Variants in CATSPERB observed in about 807,000 individuals in gnomAD.
CATSPERB encodes catsper channel auxiliary subunit beta, also known as cation channel sperm-associated auxiliary subunit beta.
CATSPERB carries 93 observed loss-of-function variants against 128.3 expected under a neutral mutation model. That is an observed-to-expected ratio of 0.72 (90% CI 0.61 to 0.86). CATSPERB has a LOEUF of 0.86. Among genes scored for constraint, CATSPERB ranks in the 40% least tolerant of loss-of-function variants. The probability of loss-of-function intolerance (pLI) is 0.00; values close to 1 mark genes in which losing one functional copy is unlikely to be tolerated. For synonymous variants in CATSPERB, 381 were observed against 448.8 expected (o/e 0.85, Z 1.91); for missense variants, 1,153 against 1,329.5 (o/e 0.87, Z 2.06).
rs200269618 is a variant in CATSPERB at position 91,583,418 on chromosome 14, CA to C, written c.3133-2312del. 3.4e-4 allele frequency among the ~76,000 whole-genome samples: 51 copies of C among 148,028 alleles called. 1 individual carries two copies. Among genetic ancestry groups the C allele is most frequent in the East Asian group, 1.8e-3 (9 of 5,102 alleles). On this transcript the variant is annotated intron_variant, in intron 26 of 26. Transcript: ENST00000256343. ...TGGGCAACAGAGCGTGACTCCATCT[CA>C]AAAAAAAAAATTTTCACTTGCTTAT...
Position 91,724,622 on chromosome 14 carries a change from G to A in CATSPERB, c.168+458C>T, listed in dbSNP as rs569656530. On this transcript the variant is annotated intron_variant, in intron 3 of 26. Transcript: ENST00000256343. The stretch of plus-strand genomic sequence containing the variant: ...TTGATAGCATGCTTTATTTTACTCC[G>A]TTGTGTGTGTTTTTAAAAAGTCTCC... Among the ~76,000 whole-genome samples, 5 of 151,994 alleles carry A rather than the reference G, an allele frequency of 3.3e-5. No individual in the cohort carries two copies. In the South Asian group the frequency reaches 8.3e-4, roughly 25 times the overall value.
intron 4 of CATSPERB, among the ~76,000 whole-genome samples, chr14:91,721,778 A>T (rs1057381490): frequency 6.7e-6 from 1 of 150,238 alleles, no homozygotes; most frequent in Non-Finnish European, 1.5e-5. Context: ...TGAACCCGGG[A>T]GGCAGAGCTT....
intron 5 of CATSPERB, chr14:91,710,273 G>A (rs1895816277): frequency 6.6e-6 from 1 of 152,180 alleles, no homozygotes; most frequent in South Asian, 2.1e-4. Flanking sequence ...AAGTGACTGA[G>A]GTGGTGGTGT....
intron 11 of CATSPERB, among the ~76,000 whole-genome samples, chr14:91,680,610 A>G (rs1017971177): frequency 1.2e-4 from 19 of 152,188 alleles, no homozygotes; most frequent in Non-Finnish European, 8.8e-5. Flanking sequence ...TTAATTGGCT[A>G]TAAGTCTTTT....
chr14:91,683,947 CATAA>C lies in CATSPERB; in HGVS notation c.865-8_865-5del. ...GTTTTCCTTTCACATAGTCAACCTA[CATAA>C]ATAAATAAAATATCACTTAGCCAAT... On this transcript the variant is annotated splice_polypyrimidine_tract_variant and splice_region_variant and intron_variant, in intron 10 of 26. Transcript: ENST00000256343. 6.4e-7 allele frequency: 1 copy of C among 1,572,820 alleles called. No individual in the cohort carries two copies.
chr14:91,724,875 G>T (rs1039549827), intron 3 of CATSPERB, among the ~76,000 whole-genome samples: 8 of 152,170 alleles, frequency 5.3e-5, no homozygotes, highest in African/African-American at 1.9e-4. Flanking sequence ...CACCCAGGAT[G>T]CTCTATGGCT....
chr14:91,658,447 A>G (rs1366333319), intron 15 of CATSPERB, among the ~76,000 whole-genome samples: 1 of 151,924 alleles, frequency 6.6e-6, no homozygotes, highest in Non-Finnish European at 1.5e-5. Flanking sequence ...CAAAAATATC[A>G]TTACATAGAA....
At chr14:91,721,997 T>C (rs930532515) in intron 4 of CATSPERB, among the ~76,000 whole-genome samples, 9 of 151,474 alleles carry the variant, frequency 5.9e-5, no homozygotes, top group Admixed American at 5.3e-4. Flanking sequence ...AGCCCAGGAG[T>C]TCAAATCCTG....
intron 7 of CATSPERB, among the ~76,000 whole-genome samples, chr14:91,701,603 T>C (rs117077569): frequency 0.015 from 2,250 of 152,244 alleles, 23 homozygotes; most frequent in Middle Eastern, 0.024. Context: ...TGGTAACTGA[T>C]GGGAGGCCTG....
At chr14:91,612,747 T>C (rs1025691879) in intron 20 of CATSPERB, among the ~76,000 whole-genome samples, 1 of 152,232 alleles carries the variant, frequency 6.6e-6, no homozygotes, top group Non-Finnish European at 1.5e-5. Context: ...GTATTTTTAT[T>C]ACTTTTGTCA....
At chr14:91,630,133 C>T (rs796327559) in intron 17 of CATSPERB, among the ~76,000 whole-genome samples, 2 of 152,334 alleles carry the variant, frequency 1.3e-5, no homozygotes, top group African/African-American at 4.8e-5. Flanking sequence ...TTACTCAAGT[C>T]TCTGCAGCAT....
intron 17 of CATSPERB, among the ~76,000 whole-genome samples, chr14:91,631,068 T>C (rs1285610): frequency 0.8 from 121,344 of 152,180 alleles, 48,604 homozygotes; most frequent in East Asian, 0.97. Context: ...TTACCCTTCT[T>C]ACTCCCTCTG....
Position 91,672,938 on chromosome 14 carries a change from T to A in CATSPERB, c.1057A>T (p.Ile353Phe), listed in dbSNP as rs764188524. Residue 353 changes from isoleucine to phenylalanine, a missense_variant, in exon 13 of 27, where the codon ATT becomes TTT. By Grantham distance (21) the Ile-to-Phe change is conservative (BLOSUM62 0). Transcript: ENST00000256343. ...CLPHIFKGIK[I>F]FPTVLTFLVD... is the part of the protein sequence containing the mutation. ...AGAAATGTTAGCACAGTTGGAAAAA[T>A]TTTTATTCCTTTAAAAATGTGAGGT... 5.1e-5 allele frequency: 82 copies of A among 1,603,124 alleles called. No individual in the cohort carries two copies. In the Middle Eastern group the frequency reaches 1.7e-3, roughly 32 times the overall value.
At chr14:91,661,160 G>A (rs1184119371) in intron 14 of CATSPERB, among the ~76,000 whole-genome samples, 1 of 152,124 alleles carries the variant, frequency 6.6e-6, no homozygotes, top group African/African-American at 2.4e-5. Context: ...TGGTGAGCAG[G>A]GAGGTAGTTA....
At chr14:91,595,233 T>A (rs1893482426) in intron 22 of CATSPERB, among the ~76,000 whole-genome samples, 1 of 152,028 alleles carries the variant, frequency 6.6e-6, no homozygotes, top group South Asian at 2.1e-4. Flanking sequence ...ATTTTTTACA[T>A]AGGCTTTTAA....
Position 91,636,515 on chromosome 14 carries a change from A to C in CATSPERB, c.1652T>G (p.Phe551Cys). The change falls in exon 17 of 27, where the codon TTT becomes TGT. Residue 551 changes from phenylalanine (F) to cysteine (C), a missense_variant. Transcript: ENST00000256343. ...TTCGTTCTCAGGTACATATGCAAAA[A>C]AGATAATTTCATCTAAGGAGGTGTG... is the stretch of plus-strand genomic sequence containing the variant. ...PQHTSLDEII[F>C]FAYVPENEPQ... 6.2e-7 allele frequency: 1 copy of C among 1,614,110 alleles called. No individual in the cohort carries two copies. The highest frequency in any genetic ancestry group is 8.5e-7 in the Non-Finnish European group (1 of 1,180,000).
chr14:91,704,766 T>G, intron 6 of CATSPERB, 65 bp from the exon 7 acceptor site: 1 of 1,494,062 alleles, frequency 6.7e-7, no homozygotes, highest in Non-Finnish European at 9.1e-7. Flanking sequence ...GCTACTTTCC[T>G]TTAAAGGTTT....
chr14:91,684,128 C>T (rs994487332), intron 10 of CATSPERB, among the ~76,000 whole-genome samples, 185 bp from the exon 11 acceptor site: 55 of 152,090 alleles, frequency 3.6e-4, no homozygotes. Context: ...ACATTTTGAA[C>T]AATGCACAAA....
chr14:91,649,462 C>G (rs769673480), intron 15 of CATSPERB, among the ~76,000 whole-genome samples: 2 of 151,328 alleles, frequency 1.3e-5, no homozygotes, highest in Non-Finnish European at 2.9e-5. Context: ...GCCACCACAT[C>G]TAGCCTTCTT....
Sources: allele counts gnomAD v4.1 joint callset (sites outside exome capture counted in the v4.1 genomes callset), GRCh38; gene constraint gnomAD v4.1.1; transcripts MANE v1.5; gene names NCBI Gene and HGNC (gene_info 2026-07-23, HGNC 2026-07-21).